PARD3: variants seen among roughly 807,000 people sequenced by gnomAD.
PARD3 encodes the protein par-3 family cell polarity regulator.
PARD3 carries 75 observed loss-of-function variants against 155.4 expected under a neutral mutation model. The observed-to-expected ratio is 0.48, with a 90% CI of 0.40 to 0.58. PARD3 has a LOEUF of 0.58. Ranked by LOEUF, PARD3 falls within the 20% of genes least tolerant of loss-of-function variation. The pLI is 0.00. For missense variants in PARD3, 1,642 were observed against 1,721.7 expected, an observed-to-expected ratio of 0.95 and a Z score of 0.82; for synonymous variants, 576 against 610.5, an observed-to-expected ratio of 0.94 and a Z score of 0.83.
intron 1 of PARD3, among the ~76,000 whole-genome samples, chr10:34,735,412 G>A (rs1349537459): frequency 6.6e-6 from 1 of 152,140 alleles, no homozygotes; most frequent in East Asian, 1.9e-4. Flanking sequence ...ACGATTACAG[G>A]ACTTCTCACT....
At chr10:34,302,514 A>G (rs1957202911) in intron 20 of PARD3, among the ~76,000 whole-genome samples, 1 of 152,172 alleles carries the variant, frequency 6.6e-6, no homozygotes, top group African/African-American at 2.4e-5. Flanking sequence ...TGAACTCAGG[A>G]CATCTAAATT....
intron 2 of PARD3, among the ~76,000 whole-genome samples, chr10:34,695,040 G>A (rs1176045550): frequency 2.1e-5 from 3 of 142,640 alleles, no homozygotes; most frequent in Admixed American, 7.2e-5. Context: ...CTGACCTCAC[G>A]ATGTAACCTA....
At chr10:34,671,059 T>C (rs2093602297) in intron 2 of PARD3, among the ~76,000 whole-genome samples, 1 of 152,218 alleles carries the variant, frequency 6.6e-6, no homozygotes, top group Non-Finnish European at 1.5e-5. Context: ...CGGGCACCTG[T>C]CAATGGCTGC....
intron 1 of PARD3, among the ~76,000 whole-genome samples, chr10:34,740,498 C>T (rs1273432068): frequency 6.6e-6 from 1 of 152,102 alleles, no homozygotes; most frequent in African/African-American, 2.4e-5. Flanking sequence ...CAACAAAATG[C>T]GGTTTTCTAT....
chr10:34,382,813 T>C lies in PARD3; in HGVS notation c.1126A>G (p.Asn376Asp). The change falls in exon 9 of 25, where the codon AAT (asparagine) becomes GAT (aspartate). Residue 376 changes from asparagine to aspartate, a missense_variant. Asn to Asp is a conservative substitution (Grantham distance 23). This residue lies in a region of PARD3 where 1,529 missense variants were observed against 1,587.3 expected (regional missense o/e 0.96). Coordinates refer to ENST00000374788, the MANE Select transcript of PARD3 (RefSeq NM_001184785.2). The stretch of plus-strand genomic sequence containing the variant: ...GGGCTAAAACGGCTTGAATAGTAAT[T>C]GTTCTTCTCACTTTGGGATAGTTGT... The part of the protein sequence containing the change: ...YEQLSQSEKN[N>D]YYSSRFSPDS... 1 of 1,614,226 alleles carries C rather than the reference T, an allele frequency of 6.2e-7. No homozygotes were observed. Among genetic ancestry groups the C allele is most frequent in the South Asian group, 1.1e-5 (1 of 91,088 alleles).
At chr10:34,598,851 T>TCCCAAGACTGAAAG (rs1445600691) in intron 2 of PARD3, among the ~76,000 whole-genome samples, 3 of 152,130 alleles carry the variant, frequency 2.0e-5, no homozygotes, top group Admixed American at 2.0e-4. Context: ...GGCAAAGCAT[T>TCCCAAGACTGAAAG]CCCAAGACTG....
intron 19 of PARD3, among the ~76,000 whole-genome samples, chr10:34,330,221 A>G (rs918946638): frequency 6.6e-6 from 1 of 152,168 alleles, no homozygotes; most frequent in Non-Finnish European, 1.5e-5. Flanking sequence ...TAGGACTCCT[A>G]AGCCCTTTTG....
intron 21 of PARD3, 81 bp downstream of exon 21, chr10:34,284,054 T>A: frequency 1.2e-6 from 1 of 806,334 alleles, no homozygotes; most frequent in Non-Finnish European, 2.1e-6. Flanking sequence ...GTAAAATCTT[T>A]ACATTAAAAA....
intron 2 of PARD3, among the ~76,000 whole-genome samples, chr10:34,662,627 C>T (rs1264437057): frequency 6.6e-6 from 1 of 152,160 alleles, no homozygotes; most frequent in Non-Finnish European, 1.5e-5. Flanking sequence ...AATCCCAGCA[C>T]TTTGGGAGGC....
At chr10:34,188,165 C>G (rs1461200136) in intron 22 of PARD3, among the ~76,000 whole-genome samples, 2 of 152,152 alleles carry the variant, frequency 1.3e-5, no homozygotes, top group Non-Finnish European at 2.9e-5. Context: ...TCAATTACCT[C>G]AAAAAATTGG....
chr10:34,133,708 C>A (rs1030579377), intron 22 of PARD3, among the ~76,000 whole-genome samples: 1 of 152,128 alleles, frequency 6.6e-6, no homozygotes, highest in African/African-American at 2.4e-5. Flanking sequence ...AATTCTCAAA[C>A]GGACATAAGT....
At chr10:34,494,716 A>G (rs1197672517) in intron 3 of PARD3, among the ~76,000 whole-genome samples, 1 of 152,236 alleles carries the variant, frequency 6.6e-6, no homozygotes, top group Admixed American at 6.5e-5. Flanking sequence ...AAATTTTACA[A>G]TGTGAGATAA....
In PARD3 at chr10:34,612,077, C is replaced by T. The variant is rs1044087818; in HGVS notation, c.222+84241G>A. On this transcript the variant is annotated intron_variant, in intron 2 of 24. Transcript: ENST00000374788. ...CCCTCACCTCGTGATCCGCCCGCCT[C>T]GGCCTCCCAAAGTGCTCGGATTACA... 8.6e-5 allele frequency among the ~76,000 whole-genome samples: 13 copies of T among 151,952 alleles called. 1 individual carries two copies. Among genetic ancestry groups the T allele is most frequent in the African/African-American group, 2.4e-4 (10 of 41,360 alleles).
chr10:34,693,965 A>G (rs1177745613), intron 2 of PARD3, among the ~76,000 whole-genome samples: 1 of 152,212 alleles, frequency 6.6e-6, no homozygotes, highest in African/African-American at 2.4e-5. Context: ...GTTTCTATCT[A>G]TCTGAAGAAA....
At chr10:34,546,611 T>C (rs1191044676) in intron 2 of PARD3, among the ~76,000 whole-genome samples, 2 of 151,852 alleles carry the variant, frequency 1.3e-5, no homozygotes, top group Non-Finnish European at 1.5e-5. Flanking sequence ...TTTAAATAAC[T>C]ACTGCAAAAT....
intron 24 of PARD3, among the ~76,000 whole-genome samples, chr10:34,114,856 A>G (rs1946579032): frequency 6.6e-6 from 1 of 152,258 alleles, no homozygotes; most frequent in South Asian, 2.1e-4. Flanking sequence ...GCAACAAAAT[A>G]TCAATCTCCT....
At chr10:34,443,193 A>G (rs2076558691) in intron 5 of PARD3, among the ~76,000 whole-genome samples, 1 of 152,160 alleles carries the variant, frequency 6.6e-6, no homozygotes, top group South Asian at 2.1e-4. Context: ...CTGGAGAAAA[A>G]CACATTTTTA....
intron 1 of PARD3, among the ~76,000 whole-genome samples, chr10:34,736,072 C>T (rs1329337375): frequency 6.6e-6 from 1 of 152,122 alleles, no homozygotes; most frequent in Non-Finnish European, 1.5e-5. Context: ...CGCTCTGCCG[C>T]CCAGGCTGGA....
chr10:34,411,561 C>G (rs1254339035), intron 5 of PARD3, among the ~76,000 whole-genome samples: 1 of 152,068 alleles, frequency 6.6e-6, no homozygotes, highest in Non-Finnish European at 1.5e-5. Flanking sequence ...AGTATCAGAT[C>G]TTCTGGGGGA....
Sources: gnomAD v4.1 joint callset for allele counts (sites outside exome capture counted in the v4.1 genomes callset) on GRCh38, gnomAD v4.1.1 for gene constraint, gnomAD v4.1.1 regional missense constraint, MANE v1.5 for transcripts, NCBI Gene and HGNC (gene_info 2026-07-23, HGNC 2026-07-21) for gene names.